ZMAT4: variants seen among roughly 807,000 people sequenced by gnomAD.
ZMAT4 encodes zinc finger matrin-type 4, also known as zinc finger matrin-type protein 4.
ZMAT4 carries 17 observed loss-of-function variants against 28.7 expected under a neutral mutation model. The ratio of observed to expected loss-of-function variants is 0.59; its 90% CI spans 0.41 to 0.89. The LOEUF is 0.89. Among genes scored for constraint, ZMAT4 ranks in the 40% least tolerant of loss-of-function variants. The pLI is 0.00. For missense variants in ZMAT4, 240 were observed against 283.8 expected (o/e 0.85, Z 1.11); for synonymous variants, 117 against 109.2 (o/e 1.07, Z -0.44).
At chr8:40,827,265 G>C (rs1218358440) in intron 1 of ZMAT4, among the ~76,000 whole-genome samples, 2 of 152,130 alleles carry the variant, frequency 1.3e-5, no homozygotes, top group Non-Finnish European at 2.9e-5. Flanking sequence ...CTAAGAAAGT[G>C]ATAGTGAAGA....
rs1411155953 is a variant in ZMAT4, at chr8:40,674,775, T to C, written c.506A>G (p.His169Arg). 6.2e-7 allele frequency: 1 copy of C among 1,613,886 alleles called. No homozygotes were observed. The highest frequency in any genetic ancestry group is 2.2e-5 in the East Asian group (1 of 44,884). Residue 169 changes from histidine to arginine, a missense_variant, in exon 5 of 7, where the codon CAC (histidine) becomes CGC (arginine). Coordinates refer to ENST00000297737, the MANE Select transcript of ZMAT4 (RefSeq NM_024645.3). ...MAQQHYDGKK[H>R]KKNAARVALL... ...AGCAACTCTTGCCGCATTCTTTTTG[T>C]GTTTCTTGCCATCATAATGTTGCTG... is the stretch of plus-strand genomic sequence containing the variant.
chr8:40,604,972 T>C (rs534205873), intron 5 of ZMAT4, among the ~76,000 whole-genome samples: 9 of 152,128 alleles, frequency 5.9e-5, no homozygotes, highest in African/African-American at 1.9e-4. Context: ...TATGCATAAA[T>C]GTGCTCATAG....
chr8:40,845,553 C>G (rs913783603), intron 1 of ZMAT4, among the ~76,000 whole-genome samples: 2 of 151,398 alleles, frequency 1.3e-5, no homozygotes, highest in African/African-American at 4.9e-5. Flanking sequence ...ATTATAGCAG[C>G]CTTCTGAAAA....
chr8:40,717,651 ACT>A (rs1357971318), intron 3 of ZMAT4, among the ~76,000 whole-genome samples: 1 of 152,090 alleles, frequency 6.6e-6, no homozygotes, highest in Non-Finnish European at 1.5e-5. Context: ...ACAGAGCAAG[ACT>A]CTGTCTCTAA....
intron 4 of ZMAT4, chr8:40,690,856 G>A (rs1809631754): frequency 3.1e-6 from 3 of 964,800 alleles, no homozygotes; most frequent in Admixed American, 6.2e-5. Context: ...TAAGATTTTA[G>A]AAGAGGAATA....
At chr8:40,812,021 C>T (rs1034298602) in intron 2 of ZMAT4, among the ~76,000 whole-genome samples, 1 of 152,110 alleles carries the variant, frequency 6.6e-6, no homozygotes, top group African/African-American at 2.4e-5. Context: ...ATCCCAGCTA[C>T]TCAGGAGGCT....
intron 6 of ZMAT4, among the ~76,000 whole-genome samples, chr8:40,553,682 A>G (rs1803436904): frequency 6.6e-6 from 1 of 152,180 alleles, no homozygotes; most frequent in African/African-American, 2.4e-5. Flanking sequence ...AGATGATACT[A>G]AGTGATCACC....
intron 4 of ZMAT4, among the ~76,000 whole-genome samples, chr8:40,686,922 C>T (rs1260772569): frequency 6.6e-6 from 1 of 151,916 alleles, no homozygotes; most frequent in African/African-American, 2.4e-5. Context: ...AACTGCTGCC[C>T]TGTGTTCTTT....
chr8:40,635,259 A>C (rs1448464506), intron 5 of ZMAT4, among the ~76,000 whole-genome samples: 1 of 152,212 alleles, frequency 6.6e-6, no homozygotes, highest in Non-Finnish European at 1.5e-5. Flanking sequence ...AGTGAGTCTT[A>C]GTCATTGCTT....
At chr8:40,617,746 C>T (rs1330357357) in intron 5 of ZMAT4, among the ~76,000 whole-genome samples, 3 of 152,090 alleles carry the variant, frequency 2.0e-5, no homozygotes, top group Admixed American at 6.5e-5. Flanking sequence ...ACAATAAAAT[C>T]CAGAAGAAGA....
chr8:40,534,038 T>C (rs1802772978), intron 6 of ZMAT4, among the ~76,000 whole-genome samples: 1 of 152,164 alleles, frequency 6.6e-6, no homozygotes, highest in Non-Finnish European at 1.5e-5. Context: ...AGCTAAACAG[T>C]CTTTAGTCAT....
At chr8:40,742,256 A>T (rs1412921336) in intron 3 of ZMAT4, among the ~76,000 whole-genome samples, 1 of 151,878 alleles carries the variant, frequency 6.6e-6, no homozygotes, top group Non-Finnish European at 1.5e-5. Flanking sequence ...TCGAAAAAAA[A>T]GTAGAATACA....
chr8:40,786,227 C>T (rs902046635), intron 2 of ZMAT4, among the ~76,000 whole-genome samples: 1 of 152,154 alleles, frequency 6.6e-6, no homozygotes, highest in Non-Finnish European at 1.5e-5. Flanking sequence ...TCTGGTATTT[C>T]TAATCTTACT....
At chr8:40,820,903 T>TGTA (rs1212868407) in intron 2 of ZMAT4, among the ~76,000 whole-genome samples, 17 of 27,840 alleles carry the variant, frequency 6.1e-4, no homozygotes, top group Non-Finnish European at 1.2e-3. Flanking sequence ...ATGTGTGTGT[T>TGTA]TGTGTGTATG....
chr8:40,783,897 G>C (rs368740464), intron 2 of ZMAT4, among the ~76,000 whole-genome samples: 1 of 152,168 alleles, frequency 6.6e-6, no homozygotes, highest in Admixed American at 6.5e-5. Context: ...TGTAATCCCA[G>C]CTACTTGGGA....
intron 4 of ZMAT4, among the ~76,000 whole-genome samples, chr8:40,690,587 G>A (rs953631871): frequency 2.6e-5 from 4 of 152,154 alleles, no homozygotes; most frequent in African/African-American, 9.7e-5. Flanking sequence ...CAAATAACCT[G>A]ATTCAGATGA....
chr8:40,727,500 G>A (rs937793938), intron 3 of ZMAT4, among the ~76,000 whole-genome samples: 3 of 152,140 alleles, frequency 2.0e-5, no homozygotes, highest in East Asian at 1.9e-4. Context: ...TATTTCTCCC[G>A]TGAAGCTTAT....
At chr8:40,801,365 T>TATATATATATATATATACAC (rs1554559774) in intron 2 of ZMAT4, among the ~76,000 whole-genome samples, 8 of 144,360 alleles carry the variant, frequency 5.5e-5, no homozygotes, top group African/African-American at 2.1e-4. Context: ...TATATATATA[T>TATATATATATATATATACAC]ATATATACAT....
chr8:40,599,745 G>C (rs867963415), intron 5 of ZMAT4, among the ~76,000 whole-genome samples: 1 of 152,244 alleles, frequency 6.6e-6, no homozygotes, highest in Non-Finnish European at 1.5e-5. Flanking sequence ...AAGACATCTG[G>C]ATGGGAGACA....
Sources: gnomAD v4.1 joint callset for allele counts (sites outside exome capture counted in the v4.1 genomes callset) on GRCh38, gnomAD v4.1.1 for gene constraint, MANE v1.5 for transcripts, NCBI Gene and HGNC (gene_info 2026-07-23, HGNC 2026-07-21) for gene names.